Variants in BOP1 observed in about 807,000 individuals in gnomAD.
The protein encoded by BOP1 is ribosome biogenesis protein BOP1.
In BOP1, 54 loss-of-function variants were observed where a neutral mutation model predicts 82.9. The ratio of observed to expected loss-of-function variants is 0.65; its 90% CI spans 0.52 to 0.82. BOP1 has a LOEUF of 0.82. BOP1 is among the 40% of genes least tolerant of loss of function. BOP1 has a pLI of 0.00. For missense variants in BOP1, 1,170 were observed against 1,072.0 expected (o/e 1.09, Z -1.28); for synonymous variants, 566 against 451.1 (o/e 1.25, Z -3.23).
rs891169411 is a variant in BOP1 at position 144,263,619 on chromosome 8, G to A, written c.1292-9C>T. 1.2e-4 allele frequency: 185 copies of A among 1,608,496 alleles called. 2 individuals carry two copies. The East Asian group carries it at 2.8e-3, about 24-fold the overall frequency. On this transcript the variant is annotated splice_polypyrimidine_tract_variant and intron_variant, in intron 10 of 15. Transcript: ENST00000569669. ...GGAGCCGTCGTCAGAGCCTGGATGC[G>A]GCAGAGACAGCTCTCAACACCTGGC...
At chr8:144,277,560 C>T (rs1845587182) in intron 2 of BOP1, among the ~76,000 whole-genome samples, 3 of 152,262 alleles carry the variant, frequency 2.0e-5, no homozygotes, top group African/African-American at 2.4e-5. Flanking sequence ...GCTCATGGGC[C>T]GCAGTCCCAG....
At chr8:144,271,031 G>A (rs1285486393) in intron 3 of BOP1, among the ~76,000 whole-genome samples, 2 of 151,980 alleles carry the variant, frequency 1.3e-5, no homozygotes, top group Non-Finnish European at 2.9e-5. Flanking sequence ...CCTGCGGGCT[G>A]CCAGGAAACA....
chr8:144,277,997 T>TGG (rs1214158828), intron 2 of BOP1, among the ~76,000 whole-genome samples: 5 of 152,142 alleles, frequency 3.3e-5, no homozygotes, highest in Non-Finnish European at 7.4e-5. Flanking sequence ...TCCGGACTCC[T>TGG]GGGGACAGGA....
Position 144,264,945 on chromosome 8 carries a change from G to A in BOP1, c.517C>T (p.Leu173=). ...LRTRDELDQF[L]DKMDDPDYWR... ...TAGTCAGGATCGTCCATCTTGTCCA[G>A]GAACTGGTCCAGCTCATCCCGGGTC... Residue 173 remains leucine, a synonymous_variant, in exon 4 of 16, where the codon CTG becomes TTG. Transcript: ENST00000569669. 1 of 1,611,664 alleles carries A rather than the reference G, an allele frequency of 6.2e-7. No homozygotes were observed. The highest frequency in any genetic ancestry group is 8.5e-7 in the Non-Finnish European group (1 of 1,179,584).
chr8:144,270,543 C>A (rs901005972), intron 3 of BOP1, among the ~76,000 whole-genome samples: 4 of 152,100 alleles, frequency 2.6e-5, no homozygotes, highest in Admixed American at 1.3e-4. Flanking sequence ...CTGAGCTGCA[C>A]CGGTAGCAGC....
intron 3 of BOP1, 43 bp downstream of exon 3, chr8:144,276,181 A>C: frequency 6.2e-7 from 1 of 1,606,078 alleles, no homozygotes; most frequent in Non-Finnish European, 8.5e-7. Flanking sequence ...GCTGTGATGG[A>C]AGCCGCCCCA....
intron 3 of BOP1, among the ~76,000 whole-genome samples, chr8:144,267,573 A>G (rs918484953): frequency 6.6e-6 from 1 of 152,106 alleles, no homozygotes; most frequent in African/African-American, 2.4e-5. Flanking sequence ...GAGAGGAAGG[A>G]CCCCGGGTTC....
chr8:144,263,639 C>A (rs1564594623), intron 10 of BOP1, 29 bp from the exon 11 acceptor site: 8 of 1,606,862 alleles, frequency 5.0e-6, no homozygotes, highest in South Asian at 1.1e-5. Flanking sequence ...GCTCTCAACA[C>A]CTGGCCATCC....
At chr8:144,269,802 G>C (rs1410176203) in intron 3 of BOP1, among the ~76,000 whole-genome samples, 1 of 152,150 alleles carries the variant, frequency 6.6e-6, no homozygotes, top group Non-Finnish European at 1.5e-5. Context: ...TCCCTTCTTG[G>C]GAGCTTTCCT....
At chr8:144,290,025 C>T (rs868991219) in intron 1 of BOP1, among the ~76,000 whole-genome samples, 5 of 152,176 alleles carry the variant, frequency 3.3e-5, no homozygotes, top group Admixed American at 2.0e-4. Context: ...TCGGGTCCTT[C>T]ACTGGCCTTA....
intron 3 of BOP1, chr8:144,267,330 G>T: frequency 2.0e-6 from 2 of 984,230 alleles, no homozygotes; most frequent in South Asian, 3.0e-5. Flanking sequence ...GGGGGCTGGG[G>T]CCTTCTCCTG....
At chr8:144,271,309 C>A (rs1428825801) in intron 3 of BOP1, among the ~76,000 whole-genome samples, 1 of 152,088 alleles carries the variant, frequency 6.6e-6, no homozygotes, top group Non-Finnish European at 1.5e-5. Flanking sequence ...GGCTGGCCCG[C>A]TGCCCGCCTC....
chr8:144,267,442 G>C (rs1375104006), intron 3 of BOP1, among the ~76,000 whole-genome samples: 2 of 152,230 alleles, frequency 1.3e-5, no homozygotes, highest in Non-Finnish European at 2.9e-5. Flanking sequence ...ATGGCCAAAG[G>C]GGCCCACCCA....
chr8:144,290,873 A>G (rs1815041693), intron 1 of BOP1, among the ~76,000 whole-genome samples: 2 of 152,232 alleles, frequency 1.3e-5, no homozygotes, highest in Non-Finnish European at 2.9e-5. Context: ...AATGCAGCAG[A>G]CACTGGGTTC....
intron 3 of BOP1, among the ~76,000 whole-genome samples, chr8:144,269,094 C>T (rs1169460239): frequency 2.0e-5 from 3 of 152,192 alleles, no homozygotes; most frequent in Non-Finnish European, 2.9e-5. Flanking sequence ...CATCCTCCTC[C>T]CACCACCACG....
intron 3 of BOP1, among the ~76,000 whole-genome samples, chr8:144,267,559 G>A (rs1554837345): frequency 6.6e-6 from 1 of 152,264 alleles, no homozygotes; most frequent in African/African-American, 2.4e-5. Flanking sequence ...AGGCTGCAAG[G>A]CAAGAGAGGA....
chr8:144,275,739 AACATCAGG>A, intron 3 of BOP1, among the ~76,000 whole-genome samples: 1 of 152,274 alleles, frequency 6.6e-6, no homozygotes, highest in East Asian at 1.9e-4. Context: ...CACTGCCCAG[AACATCAGG>A]ACATTAGGAG....
In BOP1 at chr8:144,264,830, G is replaced by T. The variant is rs1256381303; in HGVS notation, c.547C>A (p.Arg183Ser). 3 of 1,608,832 alleles carry T rather than the reference G, an allele frequency of 1.9e-6. No homozygotes were observed. Among genetic ancestry groups the T allele is most frequent in the African/African-American group, 2.7e-5 (2 of 74,784 alleles). The change falls in exon 5 of 16, where the codon CGC (arginine) becomes AGC (serine). Residue 183 changes from arginine (R) to serine (S), a missense_variant and splice_region_variant. Arg to Ser is a moderately radical substitution (Grantham distance 110). Transcript: ENST00000569669. ...CCTGTCATCGGGTCCTGCACGGTGC[G>T]CCTGGAGACCGCCAGTCAGACCCCG... ...LDKMDDPDYWRTVQDPMTGRD... is the reference protein window; with the variant it reads ...LDKMDDPDYWSTVQDPMTGRD...
At chr8:144,262,782 CCCTCACCTGCAGGGTACA>C in intron 13 of BOP1, 53 bp downstream of exon 13, 2 of 1,274,028 alleles carry the variant, frequency 1.6e-6, no homozygotes, top group Non-Finnish European at 2.1e-6. Context: ...CTACCCCCAC[CCCTCACCTGCAGGGTACA>C]CCGCCCCCCC....
Sources: gnomAD v4.1 joint callset for allele counts (sites outside exome capture counted in the v4.1 genomes callset) on GRCh38, gnomAD v4.1.1 for gene constraint, MANE v1.5 for transcripts, NCBI Gene and HGNC (gene_info 2026-07-23, HGNC 2026-07-21) for gene names.